Variants in DKKL1 observed in about 807,000 individuals in gnomAD.
The protein encoded by DKKL1 is dickkopf like acrosomal protein 1.
DKKL1 carries 11 observed loss-of-function variants against 16.5 expected under a neutral mutation model. The observed-to-expected ratio is 0.67, with a 90% confidence interval of 0.42 to 1.10. The LOEUF (loss-of-function observed/expected upper bound fraction) is 1.10, where lower values mean the gene tolerates loss of function less well. Among genes scored for constraint, DKKL1 ranks in the 50% least tolerant of loss-of-function variants. The pLI is 0.00. For synonymous variants in DKKL1, 119 were observed against 133.2 expected (o/e 0.89, Z 0.73); for missense variants, 320 against 308.1 (o/e 1.04, Z -0.29).
chr19:49,371,476 G>T (rs1251876295), intron 4 of DKKL1, among the ~76,000 whole-genome samples: 1 of 148,728 alleles, frequency 6.7e-6, no homozygotes, highest in Non-Finnish European at 1.5e-5. Flanking sequence ...TGTTTTACTA[G>T]TTTTTTTTGG....
upstream of DKKL1, chr19:49,363,870 C>T: frequency 7.3e-7 from 1 of 1,372,686 alleles, no homozygotes; most frequent in South Asian, 1.3e-5. Context: ...AACCAACGCT[C>T]TAGACCAGAC....
chr19:49,369,849 G>C (rs1452805120), intron 4 of DKKL1: 1 of 152,458 alleles, frequency 6.6e-6, no homozygotes, highest in Non-Finnish European at 1.5e-5. Context: ...GTGAAGGCTA[G>C]AGTATTGCCT....
intron 4 of DKKL1, among the ~76,000 whole-genome samples, chr19:49,368,416 G>A (rs1238474360): frequency 3.3e-5 from 5 of 151,886 alleles, no homozygotes; most frequent in Non-Finnish European, 7.4e-5. Flanking sequence ...AGACGAGGAG[G>A]TTGAGTCTAA....
intron 4 of DKKL1, among the ~76,000 whole-genome samples, chr19:49,368,062 T>C (rs1048606688): frequency 3.9e-5 from 6 of 152,004 alleles, no homozygotes; most frequent in African/African-American, 1.4e-4. Flanking sequence ...CCTGTAATCC[T>C]AGCAATTTGG....
At chr19:49,361,710 C>T (rs1425474244), upstream of DKKL1, 1 of 152,664 alleles carries the variant, frequency 6.6e-6, no homozygotes, top group Non-Finnish European at 1.5e-5. Flanking sequence ...TCAGATCCCG[C>T]CTCCCCGGAG....
chr19:49,361,143 G>C (rs1257643177), upstream of DKKL1, among the ~76,000 whole-genome samples: 5 of 96,094 alleles, frequency 5.2e-5, no homozygotes, highest in African/African-American at 2.3e-4. Flanking sequence ...CCAGAAAGAG[G>C]GGGACAGAGA....
chr19:49,374,881 A>T lies in DKKL1; in HGVS notation c.582A>T (p.Arg194=), dbSNP rs753724837. The change falls in exon 5 of 5, where the codon CGA becomes CGT. Residue 194 remains arginine (R), a synonymous_variant. Coordinates refer to ENST00000221498, the MANE Select transcript of DKKL1 (RefSeq NM_014419.4). ...LEGGHWLSEK[R]HRLQAIRDGL... The stretch of plus-strand genomic sequence containing the variant: ...GCGGCCACTGGCTCAGCGAGAAGCG[A>T]CACCGCCTGCAGGCCATCCGGGATG... 6.2e-6 allele frequency: 10 copies of T among 1,613,952 alleles called. No homozygotes were observed. The highest frequency in any genetic ancestry group is 8.5e-6 in the Non-Finnish European group (10 of 1,179,962).
chr19:49,374,807 T>C lies in DKKL1; in HGVS notation c.508T>C (p.Trp170Arg), dbSNP rs1414269543. 3 of 1,613,342 alleles carry C rather than the reference T, an allele frequency of 1.9e-6. No homozygotes were observed. The South Asian group carries it at 3.3e-5, about 18-fold the overall frequency. Residue 170 changes from tryptophan to arginine, a missense_variant, in exon 5 of 5, where the codon TGG (tryptophan) becomes CGG (arginine). By Grantham distance (101) the Trp-to-Arg change is moderately radical (BLOSUM62 -3). Transcript: ENST00000221498. ...HTELHPRVAF[W>R]IIKLPRRRSH... ...AGAACTCCATCCCCGGGTGGCCTTCTGGATCATTAAGCTGCCACGGCGGAG... is the reference window on the plus strand; with the variant it reads ...AGAACTCCATCCCCGGGTGGCCTTCCGGATCATTAAGCTGCCACGGCGGAG...
rs544396001 is a variant in DKKL1, at chr19:49,364,568, G to A, written c.11-14G>A. ...GGCCACTGTGCGGGGCTCTGACCCC[G>A]ACCCTTGCCACAGCCTCCCCACCTG... On this transcript the variant is annotated splice_polypyrimidine_tract_variant and intron_variant, in intron 1 of 4. Transcript: ENST00000221498. 1.3e-4 allele frequency: 202 copies of A among 1,604,392 alleles called. No individual in the cohort carries two copies. The South Asian group carries it at 1.8e-3, about 14-fold the overall frequency.
chr19:49,374,242 TCCC>T (rs2146807910), intron 4 of DKKL1, among the ~76,000 whole-genome samples: 1 of 152,332 alleles, frequency 6.6e-6, no homozygotes, highest in Non-Finnish European at 1.5e-5. Context: ...AGCCTCGGCC[TCCC>T]ACAGTGCTGG....
chr19:49,372,165 G>T, intron 4 of DKKL1, among the ~76,000 whole-genome samples: 1 of 152,056 alleles, frequency 6.6e-6, no homozygotes. Context: ...ATTTCTTAAG[G>T]TTGGCATCAT....
intron 1 of DKKL1, 117 bp downstream of exon 1, chr19:49,364,125 G>A: frequency 7.2e-7 from 1 of 1,387,936 alleles, no homozygotes; most frequent in Non-Finnish European, 9.9e-7. Flanking sequence ...CCAGGTGGGC[G>A]GATCGCTTGA....
At chr19:49,367,723 C>A (rs976556260) in intron 4 of DKKL1, among the ~76,000 whole-genome samples, 6 of 152,148 alleles carry the variant, frequency 3.9e-5, no homozygotes, top group Non-Finnish European at 8.8e-5. Flanking sequence ...CTTTGGTAAA[C>A]TTCTACAAGT....
At chr19:49,363,716 T>C (rs1388455097), upstream of DKKL1, 1 of 521,556 alleles carries the variant, frequency 1.9e-6, no homozygotes, top group Non-Finnish European at 3.5e-6. Flanking sequence ...CGGCTCTGGC[T>C]TAAGGGGTGT....
At chr19:49,361,405 G>C, upstream of DKKL1, 1 of 153,484 alleles carries the variant, frequency 6.5e-6, no homozygotes, top group Non-Finnish European at 1.4e-5. Flanking sequence ...CCTAGAAAGG[G>C]CAGGGACAGA....
chr19:49,364,532 G>C (rs745652625), intron 1 of DKKL1, 50 bp from the exon 2 acceptor site: 10 of 1,532,174 alleles, frequency 6.5e-6, no homozygotes, highest in Non-Finnish European at 8.8e-6. Flanking sequence ...GGGCGTCTTG[G>C]GTGGGGGCGT....
intron 4 of DKKL1, among the ~76,000 whole-genome samples, chr19:49,366,271 G>A (rs995756466): frequency 3.3e-5 from 5 of 152,070 alleles, no homozygotes; most frequent in South Asian, 2.1e-4. Flanking sequence ...ACAAGAAGAG[G>A]AACTGACCCT....
At chr19:49,361,155 C>CA (rs373429897), upstream of DKKL1, among the ~76,000 whole-genome samples, 18,191 of 45,892 alleles carry the variant, frequency 0.4, 2,885 homozygotes, top group African/African-American at 0.45. Context: ...GGACAGAGAC[C>CA]GGGGGGGGGG....
intron 4 of DKKL1, chr19:49,370,208 G>A (rs1271294024): frequency 6.6e-6 from 1 of 152,234 alleles, no homozygotes; most frequent in Non-Finnish European, 1.5e-5. Flanking sequence ...GTGCCATGGA[G>A]GATCCTCTGG....
Sources: allele counts gnomAD v4.1 joint callset (sites outside exome capture counted in the v4.1 genomes callset), GRCh38; gene constraint gnomAD v4.1.1; transcripts MANE v1.5; gene names NCBI Gene and HGNC (gene_info 2026-07-23, HGNC 2026-07-21).